The following ABCA12 variants were observed in gnomAD, a reference collection of about 807,000 sequenced individuals.
ABCA12 encodes the protein glucosylceramide transporter ABCA12.
Under a neutral mutation model 293.5 loss-of-function variants are expected in ABCA12, and 156 were observed. The ratio of observed to expected loss-of-function variants is 0.53; its 90% CI spans 0.47 to 0.61. The LOEUF is 0.61. ABCA12 is among the 20% of genes least tolerant of loss of function. ABCA12 has a pLI of 0.00. For synonymous variants in ABCA12, 1,063 were observed against 1,108.0 expected (o/e 0.96, Z 0.81); for missense variants, 2,797 against 3,090.2 (o/e 0.91, Z 2.25).
chr2:215,121,411 C>T (rs1702802838), intron 1 of ABCA12, among the ~76,000 whole-genome samples: 1 of 152,176 alleles, frequency 6.6e-6, no homozygotes, highest in South Asian at 2.1e-4. Flanking sequence ...ATAAAGTACA[C>T]TCTCTCTTTT....
intron 51 of ABCA12, among the ~76,000 whole-genome samples, chr2:214,935,513 T>C (rs970081793): frequency 6.6e-6 from 1 of 152,182 alleles, no homozygotes; most frequent in African/African-American, 2.4e-5. Context: ...TCCTGAAAGC[T>C]AGGCCGAGTG....
intron 47 of ABCA12, 82 bp from the exon 48 acceptor site, chr2:214,947,638 C>T (rs928432973): frequency 1.3e-6 from 2 of 1,484,938 alleles, no homozygotes; most frequent in African/African-American, 1.4e-5. Flanking sequence ...AAAAGATGCT[C>T]ATGAAAAGAA....
chr2:215,136,207 G>C (rs1374517369), intron 1 of ABCA12, among the ~76,000 whole-genome samples: 3 of 152,178 alleles, frequency 2.0e-5, no homozygotes, highest in African/African-American at 7.2e-5. Flanking sequence ...ATAGTTACCA[G>C]AGTTTATTTA....
intron 23 of ABCA12, among the ~76,000 whole-genome samples, chr2:214,996,366 C>CA (rs1700032940): frequency 6.6e-6 from 1 of 152,000 alleles, no homozygotes; most frequent in South Asian, 2.1e-4. Flanking sequence ...GTTTCTATCA[C>CA]AAGTAATATT....
At chr2:215,005,211 C>G (rs556974012) in intron 19 of ABCA12, among the ~76,000 whole-genome samples, 135 of 152,226 alleles carry the variant, frequency 8.9e-4, no homozygotes, top group Middle Eastern at 3.4e-3. Context: ...TGTAAATTCT[C>G]CTAAGGACAC....
rs755426461 is a variant in ABCA12 at position 215,105,766 on chromosome 2, G to A, written c.163+5831C>T. Reference sequence around the variant, plus strand: ...AATGGATTCTGACTTGCATGCCAGCGGTTATGGGAGGTAAACGAAGGGAGG... The same window carrying A: ...AATGGATTCTGACTTGCATGCCAGCAGTTATGGGAGGTAAACGAAGGGAGG... On this transcript the variant is annotated intron_variant, in intron 2 of 52. Transcript: ENST00000272895. Among the ~76,000 whole-genome samples the A allele has an allele frequency of 1.1e-3, 166 of 152,114 alleles. 2 individuals are homozygous for A. The highest frequency in any genetic ancestry group is 3.4e-3 in the Middle Eastern group (1 of 294).
Position 214,987,786 on chromosome 2 carries a change from G to T in ABCA12, c.3837C>A (p.Tyr1279Ter). The T allele has an allele frequency of 6.2e-7, 1 of 1,613,380 alleles. No individual in the cohort carries two copies. The change falls in exon 27 of 53, where the codon TAC becomes TAA. Residue 1279 changes from tyrosine to a stop codon, truncating the protein, a stop_gained. Transcript: ENST00000272895. LOFTEE classifies it high-confidence loss of function. ...WYVRNVFPGT[Y>*]GMAAPWYFPI... ...GAAAATACCAGGGAGCTGCCATACC[G>T]TATGTCCCTGGAATAAAAATATATC...
chr2:215,027,017 C>T, intron 9 of ABCA12, 79 bp from the exon 10 acceptor site: 1 of 1,060,726 alleles, frequency 9.4e-7, no homozygotes. Flanking sequence ...CATTTTGGTC[C>T]CTTGTTTGGC....
At chr2:215,038,710 TC>T (rs1268344690) in intron 7 of ABCA12, among the ~76,000 whole-genome samples, 1 of 152,244 alleles carries the variant, frequency 6.6e-6, no homozygotes, top group African/African-American at 2.4e-5. Flanking sequence ...AGCCTGACCC[TC>T]TGCCTAACTC....
At chr2:215,136,929 A>G (rs765592841) in intron 1 of ABCA12, among the ~76,000 whole-genome samples, 1 of 151,968 alleles carries the variant, frequency 6.6e-6, no homozygotes, top group Non-Finnish European at 1.5e-5. Context: ...AGGGGCCCCA[A>G]CTCGCATGCT....
chr2:215,120,071 T>C (rs1010338318), intron 1 of ABCA12, among the ~76,000 whole-genome samples: 3 of 152,216 alleles, frequency 2.0e-5, no homozygotes, highest in African/African-American at 7.2e-5. Context: ...CACCATGGAA[T>C]ATTACATAGC....
Position 214,936,245 on chromosome 2 carries a change from A to G in ABCA12, c.7542+1265T>C, listed in dbSNP as rs73987759. On this transcript the variant is annotated intron_variant, in intron 51 of 52. Coordinates refer to ENST00000272895, the MANE Select transcript of ABCA12 (RefSeq NM_173076.3). ...TTTGTCCAGTATATTTATGTTGTGT[A>G]AGCTACCTGCCTGTTTCTGTATAAG... Among the ~76,000 whole-genome samples, 885 of 152,318 alleles carry G rather than the reference A, an allele frequency of 5.8e-3. 8 individuals are homozygous for G. The highest frequency in any genetic ancestry group is 0.018 in the African/African-American group (767 of 41,572).
chr2:215,060,738 C>G (rs1201176602), intron 3 of ABCA12, among the ~76,000 whole-genome samples: 1 of 152,010 alleles, frequency 6.6e-6, no homozygotes, highest in East Asian at 1.9e-4. Context: ...ATCTTACACT[C>G]CTAATAATAT....
chr2:214,997,881 T>C (rs1464440710), intron 22 of ABCA12, 72 bp from the exon 23 acceptor site: 3 of 894,546 alleles, frequency 3.4e-6, no homozygotes, highest in Non-Finnish European at 5.5e-6. Context: ...TTATAATATA[T>C]AAAGAACTCA....
rs769313978 is a variant in ABCA12, at chr2:214,975,952, G to C, written c.5214C>G (p.His1738Gln). The change falls in exon 34 of 53, where the codon CAC becomes CAG. Residue 1738 changes from histidine (H) to glutamine (Q), a missense_variant. By Grantham distance (24) the His-to-Gln change is conservative. Transcript: ENST00000272895. Reference protein sequence around the residue: ...KIMAILIKRFHHTRRNWKGLI... With the variant: ...KIMAILIKRFQHTRRNWKGLI... ...GACCTTTCCAGTTCCTGCGGGTGTG[G>C]TGGAACCTCTTGATGAGTATAGCCA... 5.6e-6 allele frequency: 9 copies of C among 1,614,100 alleles called. No individual in the cohort carries two copies. Among genetic ancestry groups the C allele is most frequent in the Middle Eastern group, 1.6e-4 (1 of 6,062 alleles).
In ABCA12 at chr2:215,094,535, C is replaced by T. The variant is rs141394547; in HGVS notation, c.163+17062G>A. Reference sequence around the variant, plus strand: ...GCCTCACAGGCTCATTCCATTCTATCGTCGTTTCACAACCTCTTCTATGTA... The same window carrying T: ...GCCTCACAGGCTCATTCCATTCTATTGTCGTTTCACAACCTCTTCTATGTA... On this transcript the variant is annotated intron_variant, in intron 2 of 52. Coordinates refer to ENST00000272895, the MANE Select transcript of ABCA12 (RefSeq NM_173076.3). Among the ~76,000 whole-genome samples, 437 of 152,256 alleles carry T rather than the reference C, an allele frequency of 2.9e-3. 3 individuals are homozygous for T. The highest frequency in any genetic ancestry group is 0.027 in the South Asian group (129 of 4,820).
At chr2:214,936,866 A>G (rs1224546691) in intron 51 of ABCA12, among the ~76,000 whole-genome samples, 1 of 152,052 alleles carries the variant, frequency 6.6e-6, no homozygotes, top group Non-Finnish European at 1.5e-5. Context: ...GTTCCCTAAT[A>G]TATATAATGA....
At chr2:215,037,476 T>A (rs6435873) in intron 7 of ABCA12, among the ~76,000 whole-genome samples, 12,902 of 152,236 alleles carry the variant, frequency 0.085, 1,537 homozygotes, top group African/African-American at 0.27. Context: ...GGATCTAGTT[T>A]CAGGAATAAT....
chr2:215,010,414 T>C lies in ABCA12; in HGVS notation c.2389A>G (p.Ile797Val). 6.2e-7 allele frequency: 1 copy of C among 1,613,760 alleles called. No homozygotes were observed. The highest frequency in any genetic ancestry group is 8.5e-7 in the Non-Finnish European group (1 of 1,179,768). The change falls in exon 18 of 53, where the codon ATT (isoleucine) becomes GTT (valine). Residue 797 changes from isoleucine to valine, a missense_variant. Physicochemically the swap from Ile to Val is conservative, Grantham distance 29. Transcript: ENST00000272895. ...DIINMPAGPVIWAFLKPMLLG... is the reference protein window; with the variant it reads ...DIINMPAGPVVWAFLKPMLLG... ...AACATAGGTTTCAAGAAAGCCCAAA[T>C]CACAGGTCCAGCGGGCATGTTAATG...
Sources: gnomAD v4.1 joint callset for allele counts (sites outside exome capture counted in the v4.1 genomes callset) on GRCh38, gnomAD v4.1.1 for gene constraint, MANE v1.5 for transcripts, NCBI Gene and HGNC (gene_info 2026-07-23, HGNC 2026-07-21) for gene names.